Variants in CNOT1 observed in about 807,000 individuals in gnomAD.
CNOT1 encodes CCR4-associated factor 1.
In CNOT1, 15 loss-of-function variants were observed where a neutral mutation model predicts 273.8. The observed-to-expected ratio is 0.05, with a 90% CI of 0.04 to 0.08. The LOEUF (loss-of-function observed/expected upper bound fraction) is 0.08, where lower values mean the gene tolerates loss of function less well. CNOT1 is among the 10% of genes least tolerant of loss of function. CNOT1 has a pLI of 1.00. For synonymous variants in CNOT1, 1,022 were observed against 1,005.5 expected (o/e 1.02, Z -0.31); for missense variants, 1,644 against 2,912.2 (o/e 0.56, Z 10.02).
chr16:58,532,599 A>C (rs1216374329), intron 40 of CNOT1: 2 of 861,022 alleles, frequency 2.3e-6, no homozygotes, highest in African/African-American at 3.4e-5. Context: ...GTTTCTTTGC[A>C]TTTCAACATC....
intron 8 of CNOT1, among the ~76,000 whole-genome samples, chr16:58,584,633 G>A (rs2041774861): frequency 6.7e-6 from 1 of 150,162 alleles, no homozygotes. Context: ...TGCCCAGCCT[G>A]CATCCTAACT....
In CNOT1 at chr16:58,527,256, G is replaced by A. The variant is rs1380222889; in HGVS notation, c.6454-1118C>T. Reference sequence around the variant, plus strand: ...ACAACAATAAAGGCCGGGTGCAGTGGCTCATGCCTGTAATCCCAGCATTTT... The same window carrying A: ...ACAACAATAAAGGCCGGGTGCAGTGACTCATGCCTGTAATCCCAGCATTTT... On this transcript the variant is annotated intron_variant, in intron 44 of 48. Coordinates refer to ENST00000317147, the MANE Select transcript of CNOT1 (RefSeq NM_016284.5). 4.6e-5 allele frequency among the ~76,000 whole-genome samples: 7 copies of A among 152,272 alleles called. No homozygotes were observed. In the East Asian group the frequency reaches 1.2e-3, roughly 25 times the overall value.
intron 24 of CNOT1, among the ~76,000 whole-genome samples, chr16:58,550,362 T>G (rs1291669894): frequency 3.3e-5 from 5 of 152,216 alleles, no homozygotes; most frequent in African/African-American, 1.2e-4. Context: ...TAGATTTTCT[T>G]CTATTAATAC....
At position 58,533,591 on chromosome 16, in the gene CNOT1, C is replaced by T. The variant is rs949387544; in HGVS notation, c.5895+556G>A. Reference sequence around the variant, plus strand: ...GCGGAGCTTGCAGGAGCTGAGATCCCGCCACTGCACTCCAGCCTGGGTGAC... The same window carrying T: ...GCGGAGCTTGCAGGAGCTGAGATCCTGCCACTGCACTCCAGCCTGGGTGAC... On this transcript the variant is annotated intron_variant, in intron 40 of 48. Transcript: ENST00000317147. 5.9e-5 allele frequency among the ~76,000 whole-genome samples: 9 copies of T among 152,074 alleles called. No individual in the cohort carries two copies. The South Asian group carries it at 1.0e-3, about 18-fold the overall frequency.
chr16:58,608,631 G>T (rs748863843), intron 1 of CNOT1, among the ~76,000 whole-genome samples: 6 of 140,420 alleles, frequency 4.3e-5, no homozygotes, highest in Non-Finnish European at 9.1e-5. Flanking sequence ...CTGTCCAGAA[G>T]AAAAGAAATT....
At chr16:58,526,920 A>G (rs901361974) in intron 44 of CNOT1, among the ~76,000 whole-genome samples, 26 of 151,866 alleles carry the variant, frequency 1.7e-4, no homozygotes, top group African/African-American at 6.3e-4. Context: ...AGTCACAGCT[A>G]CTCTGGAGGC....
At chr16:58,562,411 G>A (rs2040885123) in intron 16 of CNOT1, among the ~76,000 whole-genome samples, 1 of 151,968 alleles carries the variant, frequency 6.6e-6, no homozygotes, top group African/African-American at 2.4e-5. Flanking sequence ...GGCTGAGGCG[G>A]GAGGAGTGCT....
rs370021876 is a variant in CNOT1, at chr16:58,542,203, C to T, written c.4680+28G>A. ...CATTAAAAATAAAACAAAGATGGGA[C>T]GGGGAAAGACAGAGCCCCAATTCTC... On this transcript the variant is annotated intron_variant, in intron 33 of 48. Transcript: ENST00000317147. 280 of 1,606,400 alleles carry T rather than the reference C, an allele frequency of 1.7e-4. 3 individuals are homozygous for T. Among genetic ancestry groups the T allele is most frequent in the Non-Finnish European group, 1.4e-4 (169 of 1,177,618 alleles).
intron 1 of CNOT1, among the ~76,000 whole-genome samples, chr16:58,611,502 G>A (rs956742885): frequency 6.6e-6 from 1 of 151,956 alleles, no homozygotes; most frequent in African/African-American, 2.4e-5. Context: ...GCAGTGTCAG[G>A]TTATTCCTTG....
chr16:58,558,768 A>G, intron 17 of CNOT1, 94 bp from the exon 18 acceptor site: 1 of 1,502,740 alleles, frequency 6.7e-7, no homozygotes, highest in Non-Finnish European at 8.9e-7. Context: ...TCATAATCTT[A>G]AAAAGCAAAC....
rs1314249253 is a variant in CNOT1 at position 58,613,430 on chromosome 16, T to C, written c.-174-13919A>G. Among the ~76,000 whole-genome samples, 4 of 124,994 alleles carry C rather than the reference T, an allele frequency of 3.2e-5. 2 individuals carry two copies. Among genetic ancestry groups the C allele is most frequent in the Non-Finnish European group, 7.6e-5 (4 of 52,536 alleles). The allele number at this position is 124,994 out of a possible 152,430, so 82.0% of individuals were successfully genotyped here. On this transcript the variant is annotated intron_variant, in intron 1 of 48. Coordinates refer to ENST00000317147, the MANE Select transcript of CNOT1 (RefSeq NM_016284.5). The stretch of plus-strand genomic sequence containing the variant: ...CCAATTCTTGGTATCAATAAGCATC[T>C]CCACTCTCACAGAAGTTTTAGGCCC...
Position 58,618,406 on chromosome 16 carries a change from C to A in CNOT1, c.-175+11322G>T, listed in dbSNP as rs138310559. 3.9e-3 allele frequency among the ~76,000 whole-genome samples: 599 copies of A among 152,080 alleles called. 7 individuals carry two copies. Among genetic ancestry groups the A allele is most frequent in the East Asian group, 0.011 (59 of 5,160 alleles). ...AGACCAGCCTGGCCAACATGGTAAACCCCGTGTCTACTAAAGATACAAAAA... is the reference window on the plus strand; with the variant it reads ...AGACCAGCCTGGCCAACATGGTAAAACCCGTGTCTACTAAAGATACAAAAA... On this transcript the variant is annotated intron_variant, in intron 1 of 48. Coordinates refer to ENST00000317147, the MANE Select transcript of CNOT1 (RefSeq NM_016284.5).
chr16:58,627,839 C>T (rs954569896), intron 1 of CNOT1, among the ~76,000 whole-genome samples: 2 of 152,004 alleles, frequency 1.3e-5, no homozygotes, highest in South Asian at 4.2e-4. Context: ...TCATTCTAGA[C>T]TTTTTTTTGA....
At chr16:58,522,425 GATC>G (rs538096399) in intron 47 of CNOT1, among the ~76,000 whole-genome samples, 18 of 152,144 alleles carry the variant, frequency 1.2e-4, no homozygotes, top group Admixed American at 5.2e-4. Flanking sequence ...AAACAAAATG[GATC>G]ATCATCATCT....
Position 58,545,477 on chromosome 16 carries a change from G to A in CNOT1, c.4021C>T (p.Pro1341Ser). 1 of 1,614,014 alleles carries A rather than the reference G, an allele frequency of 6.2e-7. No homozygotes were observed. Residue 1341 changes from proline (P) to serine (S), a missense_variant, in exon 30 of 49, where the codon CCA becomes TCA. This residue lies in a region of CNOT1 where 52 missense variants were observed against 50.2 expected (regional missense o/e 1.04). Transcript: ENST00000317147. ...GCTGTACAAGTGGTGTTGGTAGCTG[G>A]TGTAGTAGAAGTTGCTAAATGTCAA... The part of the protein sequence containing the change: ...PITTTTTSTT[P>S]ATNTTCTATV...
At chr16:58,582,684 C>T (rs1597506253) in intron 10 of CNOT1, 109 bp downstream of exon 10, 2 of 703,542 alleles carry the variant, frequency 2.8e-6, no homozygotes, top group Non-Finnish European at 5.0e-6. Flanking sequence ...AACTTGGACA[C>T]TTTATTACTT....
intron 18 of CNOT1, among the ~76,000 whole-genome samples, chr16:58,557,748 G>T (rs867562208): frequency 5.9e-5 from 9 of 152,314 alleles, no homozygotes; most frequent in Middle Eastern, 3.4e-3. Context: ...CAGCACTTTG[G>T]GGGGCCAAGG....
intron 16 of CNOT1, among the ~76,000 whole-genome samples, chr16:58,568,294 G>C (rs2041130597): frequency 6.6e-6 from 1 of 152,030 alleles, no homozygotes; most frequent in Non-Finnish European, 1.5e-5. Context: ...CTTGAACCCA[G>C]GAGGTGGAGG....
chr16:58,578,619 C>T (rs2041551020), intron 13 of CNOT1, 80 bp downstream of exon 13: 2 of 1,527,680 alleles, frequency 1.3e-6, no homozygotes, highest in Middle Eastern at 1.8e-4. Context: ...AAAAAAATTT[C>T]TCTGGTTGAG....
Sources: allele counts gnomAD v4.1 joint callset (sites outside exome capture counted in the v4.1 genomes callset), GRCh38; gene constraint gnomAD v4.1.1; regional missense constraint gnomAD v4.1.1; transcripts MANE v1.5; gene names NCBI Gene and HGNC (gene_info 2026-07-23, HGNC 2026-07-21).